Variants in RNF144B observed in about 807,000 individuals in gnomAD.
RNF144B encodes E3 ubiquitin-protein ligase RNF144B.
RNF144B carries 25 observed loss-of-function variants against 40.2 expected under a neutral mutation model. The ratio of observed to expected loss-of-function variants is 0.62; its 90% confidence interval spans 0.45 to 0.87. The LOEUF is 0.87. Among genes scored for constraint, RNF144B ranks in the 40% least tolerant of loss-of-function variants. The probability of loss-of-function intolerance (pLI) is 0.00; values close to 1 mark genes in which losing one functional copy is unlikely to be tolerated. For synonymous variants in RNF144B, 145 were observed against 136.3 expected, an observed-to-expected ratio of 1.06 and a Z score of -0.44; for missense variants, 365 against 373.7, an observed-to-expected ratio of 0.98 and a Z score of 0.19.
intron 2 of RNF144B, among the ~76,000 whole-genome samples, chr6:18,403,684 T>C (rs1167743646): frequency 2.6e-5 from 4 of 152,152 alleles, no homozygotes; most frequent in Non-Finnish European, 5.9e-5. Context: ...TCTTAGTCCA[T>C]TTTGTGTTGC....
rs1487431442 is a variant in RNF144B, at chr6:18,409,398, A to AAC, written c.165+9700_165+9701insCA. Among the ~76,000 whole-genome samples, 12 of 149,860 alleles carry AAC rather than the reference A, an allele frequency of 8.0e-5. 1 individual carries two copies. Among genetic ancestry groups the AAC allele is most frequent in the South Asian group, 6.3e-4 (3 of 4,746 alleles). ...CTCAAAAAAAAAAAAAAAAAAAAAAAAAAAACCCTGGAAAACTCTTCTTTT... is the reference window on the plus strand; with the variant it reads ...CTCAAAAAAAAAAAAAAAAAAAAAAAACAAAAACCCTGGAAAACTCTTCTTTT... On this transcript the variant is annotated intron_variant, in intron 2 of 7. Coordinates refer to ENST00000259939, the MANE Select transcript of RNF144B (RefSeq NM_182757.4).
intron 2 of RNF144B, among the ~76,000 whole-genome samples, chr6:18,404,514 C>G (rs1332576365): frequency 6.6e-6 from 1 of 152,104 alleles, no homozygotes; most frequent in Non-Finnish European, 1.5e-5. Flanking sequence ...AAAGGAAAGC[C>G]TATAATGATT....
rs544158220 is a variant in RNF144B, at chr6:18,468,660, A to G, written c.*3593A>G. ...GATATAGAGTCATGTGTGTATGTGT[A>G]GCTTTAAGGGCAATTTCAGAAATGC... On this transcript the variant is annotated 3_prime_UTR_variant, in exon 8 of 8. Transcript: ENST00000259939. 1 of 152,352 alleles carries G rather than the reference A, an allele frequency of 6.6e-6. No individual in the cohort carries two copies. Among genetic ancestry groups the G allele is most frequent in the Admixed American group, 6.5e-5 (1 of 15,312 alleles). The allele number at this position is 152,352 out of a possible 1,614,324, so 9.4% of individuals were successfully genotyped here. A position where few individuals can be genotyped will look rare whatever the true frequency, so the allele number is the denominator to read the frequency against.
intron 6 of RNF144B, among the ~76,000 whole-genome samples, chr6:18,461,254 G>GAAATATCTTCTATTTA (rs1759446775): frequency 6.6e-6 from 1 of 152,174 alleles, no homozygotes; most frequent in South Asian, 2.1e-4. Flanking sequence ...CAGTTTGGAA[G>GAAATATCTTCTATTTA]AAATATCTTC....
chr6:18,411,497 ATTTTTT>A (rs1197413176), intron 2 of RNF144B, among the ~76,000 whole-genome samples: 2 of 29,784 alleles, frequency 6.7e-5, no homozygotes, highest in African/African-American at 1.4e-4. Context: ...ATATATATAT[ATTTTTT>A]TTTTTTTTTT....
In RNF144B at chr6:18,460,929, A is replaced by G. The variant is rs1181052709; in HGVS notation, c.681+1178A>G. Among the ~76,000 whole-genome samples the G allele has an allele frequency of 6.6e-6, 1 of 152,228 alleles. No individual in the cohort carries two copies. The highest frequency in any genetic ancestry group is 1.5e-5 in the Non-Finnish European group (1 of 68,040). ...ATTTGGACCTCTAAAATATGTCCAT[A>G]TCAGCGTAAGCCCTCAGTTACCATT... On this transcript the variant is annotated intron_variant, in intron 6 of 7. Transcript: ENST00000259939. The surrounding 1 kb of genome is among the most constrained non-coding windows in gnomAD (Gnocchi z 4.4).
chr6:18,428,441 C>T (rs1231568323), intron 3 of RNF144B, among the ~76,000 whole-genome samples: 1 of 152,002 alleles, frequency 6.6e-6, no homozygotes, highest in Non-Finnish European at 1.5e-5. Flanking sequence ...GAACCATTTC[C>T]AAAGAGTAGA....
chr6:18,425,056 G>GGTGTGT lies in RNF144B; in HGVS notation c.166-2512_166-2507dup, dbSNP rs10616768. Among the ~76,000 whole-genome samples, 3 of 151,110 alleles carry GGTGTGT rather than the reference G, an allele frequency of 2.0e-5. No individual in the cohort carries two copies. The highest frequency in any genetic ancestry group is 2.1e-4 in the South Asian group (1 of 4,812). ...TTTCACGTGTATGTGTGTATGTGTGGGTGTGTGTGTGTGTGTGTTAAAACC... is the reference window on the plus strand; with the variant it reads ...TTTCACGTGTATGTGTGTATGTGTGGGTGTGTGTGTGTGTGTGTGTGTGTTAAAACC... On this transcript the variant is annotated intron_variant, in intron 2 of 7. Transcript: ENST00000259939. This position sits in a 1 kb window ranked among gnomAD's most constrained non-coding sequence, Gnocchi z 4.2.
At chr6:18,429,239 A>T (rs562969097) in intron 3 of RNF144B, among the ~76,000 whole-genome samples, 1 of 152,230 alleles carries the variant, frequency 6.6e-6, no homozygotes, top group African/African-American at 2.4e-5. Context: ...AGGTAGGTAG[A>T]TAGAATGTAT....
At chr6:18,389,782 T>G (rs1179078568) in intron 1 of RNF144B, among the ~76,000 whole-genome samples, 1 of 152,196 alleles carries the variant, frequency 6.6e-6, no homozygotes, top group Non-Finnish European at 1.5e-5. Context: ...AGTCATGCTT[T>G]TCACTTGGAC....
intron 2 of RNF144B, among the ~76,000 whole-genome samples, chr6:18,402,773 T>C (rs563345292): frequency 2.0e-5 from 3 of 152,356 alleles, no homozygotes; most frequent in African/African-American, 7.2e-5. Context: ...TGGTAGATGT[T>C]GTCTCAAATA....
At position 18,442,823 on chromosome 6, in the gene RNF144B, TTAATA is replaced by T. The variant is rs1435754470; in HGVS notation, c.331+3082_331+3086del. On this transcript the variant is annotated intron_variant, in intron 4 of 7. Coordinates refer to ENST00000259939, the MANE Select transcript of RNF144B (RefSeq NM_182757.4). The surrounding 1 kb of genome is among the most constrained non-coding windows in gnomAD (Gnocchi z 4.3). Reference sequence around the variant, plus strand: ...TCCTTTTGTGTTTGTCTTATTTTACTTAATATATGTTTTTCAAAGTTCCATTCCTG... The same window carrying T: ...TCCTTTTGTGTTTGTCTTATTTTACTTATGTTTTTCAAAGTTCCATTCCTG... Among the ~76,000 whole-genome samples the T allele has an allele frequency of 6.6e-6, 1 of 152,232 alleles. No individual in the cohort carries two copies. Among genetic ancestry groups the T allele is most frequent in the African/African-American group, 2.4e-5 (1 of 41,460 alleles).
chr6:18,399,666 A>G lies in RNF144B; in HGVS notation c.132A>G (p.Thr44=), dbSNP rs1324421319. ...LCEQSLDKMT[T]LQECQCIFCT... is the part of the protein sequence containing the mutation. ...AGCAGTCTCTGGACAAGATGACCACACTCCAGGAATGCCAGTGCATCTTTT... is the reference window on the plus strand; with the variant it reads ...AGCAGTCTCTGGACAAGATGACCACGCTCCAGGAATGCCAGTGCATCTTTT... Residue 44 remains threonine (T), a synonymous_variant, in exon 2 of 8, where the codon ACA becomes ACG. Coordinates refer to ENST00000259939, the MANE Select transcript of RNF144B (RefSeq NM_182757.4). 1.2e-6 allele frequency: 2 copies of G among 1,613,806 alleles called. No individual in the cohort carries two copies. The highest frequency in any genetic ancestry group is 3.3e-5 in the Admixed American group (2 of 59,984).
chr6:18,434,436 T>C lies in RNF144B; in HGVS notation c.271-5248T>C, dbSNP rs1463894931. ...ATATTATGATCGTGGTTAATACTGA[T>C]TAACAGGTGTGCCTCACTTTTCATT... On this transcript the variant is annotated intron_variant, in intron 3 of 7. Coordinates refer to ENST00000259939, the MANE Select transcript of RNF144B (RefSeq NM_182757.4). This position sits in a 1 kb window ranked among gnomAD's most constrained non-coding sequence, Gnocchi z 4.1. 6.6e-6 allele frequency among the ~76,000 whole-genome samples: 1 copy of C among 152,154 alleles called. No individual in the cohort carries two copies. Among genetic ancestry groups the C allele is most frequent in the Non-Finnish European group, 1.5e-5 (1 of 68,028 alleles).
intron 2 of RNF144B, among the ~76,000 whole-genome samples, chr6:18,423,851 A>T (rs1380598429): frequency 2.6e-5 from 4 of 152,196 alleles, no homozygotes; most frequent in African/African-American, 7.2e-5. Flanking sequence ...TACAAAAGAA[A>T]AAGGTTTTTT....
intron 3 of RNF144B, among the ~76,000 whole-genome samples, chr6:18,429,199 TA>T (rs1341072985): frequency 1.3e-5 from 2 of 151,626 alleles, no homozygotes; most frequent in African/African-American, 2.4e-5. Context: ...TTTCATCTCT[TA>T]AAAAAAATGG....
chr6:18,393,940 T>C (rs1300216035), intron 1 of RNF144B, among the ~76,000 whole-genome samples: 1 of 152,210 alleles, frequency 6.6e-6, no homozygotes, highest in East Asian at 1.9e-4. Context: ...CTCTTCTGTT[T>C]GTCCCCTGTA....
Position 18,466,879 on chromosome 6 carries a change from G to A in RNF144B, c.*1812G>A, listed in dbSNP as rs757168179. On this transcript the variant is annotated 3_prime_UTR_variant, in exon 8 of 8. Transcript: ENST00000259939. ...ATGTACATTTTAATTTACATGTTGT[G>A]TAGAACATAGATGAGAACTCTGGGA... 30 of 152,542 alleles carry A rather than the reference G, an allele frequency of 2.0e-4. No homozygotes were observed. Among genetic ancestry groups the A allele is most frequent in the Non-Finnish European group, 3.1e-4 (21 of 68,032 alleles). The allele number at this position is 152,542 out of a possible 1,614,324, so 9.4% of individuals were successfully genotyped here. A position where few individuals can be genotyped will look rare whatever the true frequency, so the allele number is the denominator to read the frequency against.
chr6:18,428,541 G>A (rs987926882), intron 3 of RNF144B, among the ~76,000 whole-genome samples: 1 of 151,600 alleles, frequency 6.6e-6, no homozygotes, highest in African/African-American at 2.4e-5. Context: ...TTATTGGTTT[G>A]CCTTTAAATC....
Sources: allele counts gnomAD v4.1 joint callset (sites outside exome capture counted in the v4.1 genomes callset), GRCh38; gene constraint gnomAD v4.1.1; non-coding constraint Gnocchi (gnomAD v3.1); transcripts MANE v1.5; gene names NCBI Gene and HGNC (gene_info 2026-07-23, HGNC 2026-07-21).